Variants in VGLL4 observed in about 807,000 individuals in gnomAD.
VGLL4 encodes the protein vestigial like family member 4.
In VGLL4, 7 loss-of-function variants were observed where a neutral mutation model predicts 21.0. That is an observed-to-expected ratio of 0.33 (90% CI 0.19 to 0.63). VGLL4 has a LOEUF of 0.63. Ranked by LOEUF, VGLL4 falls within the 20% of genes least tolerant of loss-of-function variation. VGLL4 has a pLI of 0.78. For synonymous variants in VGLL4, 222 were observed against 173.2 expected (o/e 1.28, Z -2.21); for missense variants, 394 against 425.7 (o/e 0.93, Z 0.66).
At chr3:11,645,383 G>A (rs2075773873), upstream of VGLL4, among the ~76,000 whole-genome samples, 1 of 150,420 alleles carries the variant, frequency 6.6e-6, no homozygotes, top group Admixed American at 6.6e-5. Context: ...GAGGTCAGGA[G>A]ATCGAGACCA....
chr3:11,588,243 A>G (rs1322755281), intron 2 of VGLL4, among the ~76,000 whole-genome samples: 1 of 152,244 alleles, frequency 6.6e-6, no homozygotes. Flanking sequence ...GAGCAAATTC[A>G]GCCCCTGGTC....
chr3:11,609,733 G>C (rs2075019855), intron 1 of VGLL4, among the ~76,000 whole-genome samples: 1 of 152,210 alleles, frequency 6.6e-6, no homozygotes, highest in South Asian at 2.1e-4. Flanking sequence ...TCGCCAGACT[G>C]GGGTGTGGGC....
chr3:11,703,098 G>T, intron 1 of VGLL4: 2 of 1,504,938 alleles, frequency 1.3e-6, no homozygotes, highest in Non-Finnish European at 1.8e-6. Context: ...GAATTCAAAA[G>T]ACTCTTAGAA....
intron 2 of VGLL4, among the ~76,000 whole-genome samples, chr3:11,700,206 T>C (rs1052058169): frequency 2.6e-5 from 4 of 152,170 alleles, no homozygotes; most frequent in African/African-American, 9.7e-5. Context: ...GGCCTCCAAC[T>C]GGAACAGAAT....
At position 11,559,631 on chromosome 3, in the gene VGLL4, C is replaced by T. The variant is rs561475653; in HGVS notation, c.496-176G>A. Among the ~76,000 whole-genome samples the T allele has an allele frequency of 1.6e-4, 25 of 152,342 alleles. 1 individual carries two copies. The South Asian group carries it at 4.3e-3, about 26-fold the overall frequency. Reference sequence around the variant, plus strand: ...AAACACAGCCAATCCACAGAGTGAGCGCAGCTCCAAGGGTGTGTGTAGTGG... The same window carrying T: ...AAACACAGCCAATCCACAGAGTGAGTGCAGCTCCAAGGGTGTGTGTAGTGG... On this transcript the variant is annotated intron_variant, in intron 3 of 4. Coordinates refer to ENST00000430365, the MANE Select transcript of VGLL4 (RefSeq NM_001128219.3).
chr3:11,716,883 C>T (rs1443903739), intron 1 of VGLL4, among the ~76,000 whole-genome samples: 1 of 151,928 alleles, frequency 6.6e-6, no homozygotes, highest in Non-Finnish European at 1.5e-5. Flanking sequence ...TAAACACCCA[C>T]CCATAGCTTC....
chr3:11,603,052 C>G (rs1476380495), intron 1 of VGLL4, among the ~76,000 whole-genome samples: 1 of 152,170 alleles, frequency 6.6e-6, no homozygotes, highest in Non-Finnish European at 1.5e-5. Flanking sequence ...CAACTTCATC[C>G]GAGGCCTTGT....
chr3:11,572,379 G>A (rs1203845255), intron 2 of VGLL4, among the ~76,000 whole-genome samples: 1 of 152,144 alleles, frequency 6.6e-6, no homozygotes. Context: ...TTTCCGGGAG[G>A]GAGGAAAATA....
intron 2 of VGLL4, among the ~76,000 whole-genome samples, chr3:11,692,493 A>G (rs1290228254): frequency 1.3e-5 from 2 of 152,204 alleles, no homozygotes; most frequent in Admixed American, 1.3e-4. Flanking sequence ...AAAGGGAAGC[A>G]ACTGAAAGCG....
intron 2 of VGLL4, among the ~76,000 whole-genome samples, chr3:11,599,109 A>C (rs1462597462): frequency 6.6e-6 from 1 of 152,178 alleles, no homozygotes; most frequent in Non-Finnish European, 1.5e-5. Flanking sequence ...GCATCTTTCC[A>C]ATCTGCCTGT....
At chr3:11,707,770 G>T (rs1290223234) in intron 1 of VGLL4, among the ~76,000 whole-genome samples, 1 of 152,044 alleles carries the variant, frequency 6.6e-6, no homozygotes, top group African/African-American at 2.4e-5. Flanking sequence ...GAGGTGGGAG[G>T]CTCCCTTGAA....
At chr3:11,686,481 G>A (rs2076450754) in intron 2 of VGLL4, among the ~76,000 whole-genome samples, 1 of 152,144 alleles carries the variant, frequency 6.6e-6, no homozygotes, top group Non-Finnish European at 1.5e-5. Flanking sequence ...AGACAGTGGA[G>A]CGGTGGTTGC....
intron 2 of VGLL4, among the ~76,000 whole-genome samples, chr3:11,659,619 C>T (rs1189302076): frequency 1.3e-5 from 2 of 149,096 alleles, no homozygotes; most frequent in African/African-American, 4.9e-5. Flanking sequence ...CAGGCGTGAG[C>T]CACCACGCCC....
chr3:11,626,003 C>A (rs1185104821), intron 1 of VGLL4, among the ~76,000 whole-genome samples: 1 of 152,096 alleles, frequency 6.6e-6, no homozygotes, highest in Non-Finnish European at 1.5e-5. Context: ...ATATTAAATA[C>A]CATTAAATTG....
At chr3:11,585,747 G>A (rs1423212129) in intron 2 of VGLL4, among the ~76,000 whole-genome samples, 1 of 152,226 alleles carries the variant, frequency 6.6e-6, no homozygotes, top group Non-Finnish European at 1.5e-5. Context: ...TTTATTCCAT[G>A]TATCTCGCCA....
intron 2 of VGLL4, chr3:11,671,442 C>T (rs771360502): frequency 4.0e-6 from 3 of 754,602 alleles, no homozygotes; most frequent in Non-Finnish European, 7.2e-6. Flanking sequence ...ACAGTTGTCC[C>T]TCAGTATTCG....
intron 2 of VGLL4, among the ~76,000 whole-genome samples, chr3:11,684,398 A>G (rs929228606): frequency 1.8e-4 from 28 of 152,028 alleles, no homozygotes; most frequent in Non-Finnish European, 2.4e-4. Flanking sequence ...TCTTTAAAAA[A>G]AAGACAGGGT....
chr3:11,718,732 G>A (rs191841588), intron 1 of VGLL4, among the ~76,000 whole-genome samples: 4 of 152,150 alleles, frequency 2.6e-5, no homozygotes, highest in African/African-American at 4.8e-5. Flanking sequence ...TTCAAAGAGA[G>A]GGCAACCAGC....
chr3:11,710,819 G>A (rs1248850172), intron 1 of VGLL4, among the ~76,000 whole-genome samples: 2 of 152,170 alleles, frequency 1.3e-5, no homozygotes, highest in Admixed American at 1.3e-4. Flanking sequence ...TAGAGATGTG[G>A]CTGGGCACCG....
Sources: gnomAD v4.1 joint callset for allele counts (sites outside exome capture counted in the v4.1 genomes callset) on GRCh38, gnomAD v4.1.1 for gene constraint, MANE v1.5 for transcripts, NCBI Gene and HGNC (gene_info 2026-07-23, HGNC 2026-07-21) for gene names.